CLASP1: variants seen among roughly 807,000 people sequenced by gnomAD.
The protein encoded by CLASP1 is CLIP-associating protein 1.
In CLASP1, 38 loss-of-function variants were observed where a neutral mutation model predicts 192.3. That is an observed-to-expected ratio of 0.20 (90% confidence interval 0.15 to 0.26). The LOEUF (loss-of-function observed/expected upper bound fraction) is 0.26. Ranked by LOEUF, CLASP1 falls within the 10% of genes least tolerant of loss-of-function variation. The pLI, the probability that CLASP1 is intolerant of heterozygous loss-of-function variation, is 1.00. For synonymous variants in CLASP1, 691 were observed against 712.8 expected, an observed-to-expected ratio of 0.97 and a Z score of 0.49; for missense variants, 1,433 against 1,932.5, an observed-to-expected ratio of 0.74 and a Z score of 4.85.
intron 2 of CLASP1, among the ~76,000 whole-genome samples, chr2:121,535,633 C>T (rs571284610): frequency 7.3e-5 from 11 of 151,204 alleles, no homozygotes; most frequent in Admixed American, 4.6e-4. Flanking sequence ...TAAAAAGTAA[C>T]GGCTGACATT....
At chr2:121,590,799 AAAGT>A (rs1406797682) in intron 2 of CLASP1, among the ~76,000 whole-genome samples, 1 of 152,204 alleles carries the variant, frequency 6.6e-6, no homozygotes, top group African/African-American at 2.4e-5. Flanking sequence ...ATTCTCAACC[AAAGT>A]AAGAAGTCAA....
chr2:121,464,915 T>C (rs1274023072), intron 9 of CLASP1, among the ~76,000 whole-genome samples: 1 of 152,232 alleles, frequency 6.6e-6, no homozygotes, highest in East Asian at 1.9e-4. Flanking sequence ...ATGAAGTCCT[T>C]GCCCATGCCT....
At chr2:121,645,798 T>C (rs1443354639) in intron 1 of CLASP1, among the ~76,000 whole-genome samples, 1 of 152,120 alleles carries the variant, frequency 6.6e-6, no homozygotes, top group African/African-American at 2.4e-5. Context: ...TTAGGATCTA[T>C]GAGGGGAGGT....
intron 22 of CLASP1, among the ~76,000 whole-genome samples, chr2:121,423,864 A>G (rs2079951051): frequency 6.6e-6 from 1 of 152,236 alleles, no homozygotes; most frequent in Non-Finnish European, 1.5e-5. Flanking sequence ...ATTCTTAAAT[A>G]TCTTCTCCTG....
At chr2:121,599,689 T>G (rs1389036530) in intron 2 of CLASP1, among the ~76,000 whole-genome samples, 4 of 149,384 alleles carry the variant, frequency 2.7e-5, no homozygotes, top group African/African-American at 9.9e-5. Context: ...GCCGAGGCAG[T>G]CGGATCACTG....
At chr2:121,546,671 T>C (rs780933280) in intron 2 of CLASP1, among the ~76,000 whole-genome samples, 2 of 152,042 alleles carry the variant, frequency 1.3e-5, no homozygotes, top group Non-Finnish European at 2.9e-5. Context: ...CAGAGCTACA[T>C]GGAATCTTGG....
intron 32 of CLASP1, among the ~76,000 whole-genome samples, chr2:121,385,679 A>G (rs916545677): frequency 4.6e-5 from 7 of 152,228 alleles, no homozygotes; most frequent in Admixed American, 4.6e-4. Flanking sequence ...TGCAATAACT[A>G]AAAGATGTAT....
At chr2:121,605,819 T>C (rs771128062) in exon 2 of CLASP1, 1 of 1,614,028 alleles carries the variant, frequency 6.2e-7, no homozygotes, top group Non-Finnish European at 8.5e-7. Context: ...GTCTATCAGT[T>C]CTTGGCCAAC....
chr2:121,347,281 T>C (rs1219400796), intron 38 of CLASP1, 127 bp from the exon 40 acceptor site: 8 of 657,956 alleles, frequency 1.2e-5, no homozygotes, highest in Non-Finnish European at 2.2e-5. Flanking sequence ...ACAACCAGGA[T>C]AGACCTCAGC....
intron 2 of CLASP1, among the ~76,000 whole-genome samples, chr2:121,564,057 G>A (rs996764054): frequency 6.6e-6 from 1 of 152,124 alleles, no homozygotes; most frequent in Non-Finnish European, 1.5e-5. Context: ...AACAGCATGG[G>A]AAAGACCTGT....
rs137857553 is a variant in CLASP1 at position 121,394,969 on chromosome 2, A to G, written c.3123+2171T>C. 4.2e-3 allele frequency among the ~76,000 whole-genome samples: 636 copies of G among 152,156 alleles called. 3 individuals carry two copies. The highest frequency in any genetic ancestry group is 0.015 in the African/African-American group (618 of 41,488). On this transcript the variant is annotated intron_variant, in intron 30 of 39. Coordinates refer to ENST00000263710, the Ensembl canonical transcript of CLASP1. ...TTGTCAAATTTGGGGAGTTTCTTAG[A>G]TATTATTTCTTCATGTATTCTCCCG... is the stretch of plus-strand genomic sequence containing the variant.
chr2:121,422,066 TC>T (rs1245647476), intron 22 of CLASP1, among the ~76,000 whole-genome samples: 2 of 152,224 alleles, frequency 1.3e-5, no homozygotes, highest in African/African-American at 4.8e-5. Context: ...TCTGGGGTCT[TC>T]TGCTTACATG....
chr2:121,586,551 T>A (rs1410897049), intron 2 of CLASP1, among the ~76,000 whole-genome samples: 1 of 152,198 alleles, frequency 6.6e-6, no homozygotes, highest in African/African-American at 2.4e-5. Flanking sequence ...AAAAATACAC[T>A]ATTAATAGTT....
chr2:121,529,790 G>GT (rs2094705849), intron 3 of CLASP1, among the ~76,000 whole-genome samples: 1 of 152,204 alleles, frequency 6.6e-6, no homozygotes, highest in South Asian at 2.1e-4. Flanking sequence ...AACTGGCTTG[G>GT]TTTTATAGGA....
chr2:121,534,087 A>G (rs2094972008), intron 2 of CLASP1, among the ~76,000 whole-genome samples: 1 of 152,282 alleles, frequency 6.6e-6, no homozygotes, highest in Admixed American at 6.5e-5. Flanking sequence ...TTCCAGGTCA[A>G]GAAACAGAGA....
intron 8 of CLASP1, among the ~76,000 whole-genome samples, chr2:121,474,762 C>A (rs570010285): frequency 6.6e-6 from 1 of 152,096 alleles, no homozygotes; most frequent in Non-Finnish European, 1.5e-5. Flanking sequence ...GAGGAAAGGG[C>A]ATACTGAGCA....
chr2:121,401,979 G>A (rs1291866298), intron 26 of CLASP1, 109 bp from the exon 28 acceptor site: 3 of 491,614 alleles, frequency 6.1e-6, no homozygotes, highest in African/African-American at 5.8e-5. Context: ...ACCTGAAAAG[G>A]CTACAAACCA....
At chr2:121,387,344 G>GTT (rs911957870) in intron 31 of CLASP1, 116 bp from the exon 33 acceptor site, 27 of 656,460 alleles carry the variant, frequency 4.1e-5, no homozygotes, top group Admixed American at 7.8e-5. Context: ...GCCCAGGATG[G>GTT]TTTTTTTTTT....
chr2:121,642,196 T>C lies in CLASP1; in HGVS notation c.-286+7176A>G, dbSNP rs1181175424. Among the ~76,000 whole-genome samples, 5 of 151,372 alleles carry C rather than the reference T, an allele frequency of 3.3e-5. No individual in the cohort carries two copies. The East Asian group carries it at 7.8e-4, about 24-fold the overall frequency. On this transcript the variant is annotated intron_variant, in intron 1 of 39. Transcript: ENST00000263710. The stretch of plus-strand genomic sequence containing the variant: ...ACTTTGGGAGGGTGAGGCAGGAGGA[T>C]TGCTTGAGTCCAGGAGTTTGAGACC...
Sources: gnomAD v4.1 joint callset for allele counts (sites outside exome capture counted in the v4.1 genomes callset) on GRCh38, gnomAD v4.1.1 for gene constraint, MANE v1.5 for transcripts, NCBI Gene and HGNC (gene_info 2026-07-23, HGNC 2026-07-21) for gene names.